Variants in CABIN1 observed in about 807,000 individuals in gnomAD.
The protein encoded by CABIN1 is calcineurin binding protein 1.
A neutral mutation model predicts 227.7 loss-of-function variants in CABIN1; 133 were observed. That is an observed-to-expected ratio of 0.58 (90% CI 0.51 to 0.67). The LOEUF is 0.67. Among genes scored for constraint, CABIN1 ranks in the 30% least tolerant of loss-of-function variants. CABIN1 has a pLI of 0.00. For missense variants in CABIN1, 2,408 were observed against 2,852.5 expected, an observed-to-expected ratio of 0.84 and a Z score of 3.55; for synonymous variants, 1,086 against 1,155.1, an observed-to-expected ratio of 0.94 and a Z score of 1.21.
intron 26 of CABIN1, among the ~76,000 whole-genome samples, chr22:24,111,838 T>G (rs2042825173): frequency 6.6e-6 from 1 of 152,264 alleles, no homozygotes; most frequent in Non-Finnish European, 1.5e-5. Context: ...CAAGTTTTGA[T>G]TTCCTTTTGC....
At chr22:24,152,093 G>A (rs1277990787) in intron 29 of CABIN1, among the ~76,000 whole-genome samples, 2 of 152,218 alleles carry the variant, frequency 1.3e-5, no homozygotes, top group African/African-American at 2.4e-5. Flanking sequence ...CGCATGTGCC[G>A]TCCCCGTGGA....
intron 29 of CABIN1, among the ~76,000 whole-genome samples, chr22:24,162,518 C>G (rs2046217190): frequency 6.6e-6 from 1 of 152,244 alleles, no homozygotes; most frequent in Non-Finnish European, 1.5e-5. Flanking sequence ...CAAGGGCACA[C>G]TAGCTGGCCT....
In CABIN1 at chr22:24,070,999, C is replaced by G; in HGVS notation, c.2432C>G (p.Ser811Cys). The change falls in exon 17 of 37, where the codon TCC becomes TGC. Residue 811 changes from serine to cysteine, a missense_variant. Around this residue, in one of 3 missense-constraint regions of CABIN1, gnomAD observed 1,045 missense variants for 1,168.4 expected, o/e 0.89. Coordinates refer to ENST00000263119, the MANE Select transcript of CABIN1 (RefSeq NM_012295.4). ...AGTGGTAGCATCCTGAAGGTATCAT[C>G]CTCCACCACTGGCCTTGTGCGGCTC... ...DSSGSILKVS[S>C]STTGLVRLTN... 6.2e-7 allele frequency: 1 copy of G among 1,614,234 alleles called. No homozygotes were observed. The highest frequency in any genetic ancestry group is 8.5e-7 in the Non-Finnish European group (1 of 1,180,040).
intron 34 of CABIN1, among the ~76,000 whole-genome samples, chr22:24,173,790 C>A (rs112780321): frequency 6.6e-6 from 1 of 152,078 alleles, no homozygotes; most frequent in South Asian, 2.1e-4. Flanking sequence ...GCTGACATCA[C>A]GCCACTGCAC....
At chr22:24,062,267 G>C (rs949878671) in intron 13 of CABIN1, among the ~76,000 whole-genome samples, 1 of 151,808 alleles carries the variant, frequency 6.6e-6, no homozygotes, top group Admixed American at 6.6e-5. Context: ...TGAAGGAAGT[G>C]GGATCTCAGT....
At position 24,117,000 on chromosome 22, in the gene CABIN1, G is replaced by A. The variant is rs2043124861; in HGVS notation, c.4301-2367G>A. ...AGTTTTCTCATCTTCACGCAGCTAG[G>A]GTTAGAATTGGACATCCTGGCCGGG... On this transcript the variant is annotated intron_variant, in intron 27 of 36. Transcript: ENST00000263119. Among the ~76,000 whole-genome samples, 3 of 152,320 alleles carry A rather than the reference G, an allele frequency of 2.0e-5. No individual in the cohort carries two copies. In the South Asian group the frequency reaches 6.2e-4, roughly 32 times the overall value.
rs1252888479 is a variant in CABIN1 at position 24,042,966 on chromosome 22, G to T, written c.408G>T (p.Arg136Ser). ...ATAAGATTGGACATGTGGCCCTGAG[G>T]CTCATCCGGATCCCCCTGGCTCGCC... Reference protein sequence around the residue: ...LWYKIGHVALRLIRIPLARHA... With the variant: ...LWYKIGHVALSLIRIPLARHA... Residue 136 changes from arginine (R) to serine (S), a missense_variant, in exon 6 of 37, where the codon AGG becomes AGT. Physicochemically the swap from Arg to Ser is moderately radical, Grantham distance 110. Transcript: ENST00000263119. 1 of 1,613,044 alleles carries T rather than the reference G, an allele frequency of 6.2e-7. No individual in the cohort carries two copies. The highest frequency in any genetic ancestry group is 2.2e-5 in the East Asian group (1 of 44,818).
chr22:24,066,017 T>C (rs999586529), intron 15 of CABIN1, among the ~76,000 whole-genome samples: 2 of 151,882 alleles, frequency 1.3e-5, no homozygotes, highest in Non-Finnish European at 2.9e-5. Context: ...AGAGAGACCA[T>C]GGAAAGAGAT....
chr22:24,046,977 T>A (rs1414994655), intron 6 of CABIN1, among the ~76,000 whole-genome samples: 1 of 152,186 alleles, frequency 6.6e-6, no homozygotes, highest in Non-Finnish European at 1.5e-5. Context: ...GCCTTTTTGT[T>A]CTGTTCAGGC....
rs569137032 is a variant in CABIN1, at chr22:24,133,341, G to A, written c.4633-961G>A. ...TTGCCTCATGATGATTAGGGGAATG[G>A]TTCAGTATGCTCAGCCTGGCCAGCA... On this transcript the variant is annotated intron_variant, in intron 28 of 36. Transcript: ENST00000263119. Among the ~76,000 whole-genome samples the A allele has an allele frequency of 1.6e-4, 24 of 152,236 alleles. 1 individual carries two copies. The highest frequency in any genetic ancestry group is 2.2e-4 in the Non-Finnish European group (15 of 68,044).
At chr22:24,087,200 C>G (rs142626804) in intron 22 of CABIN1, among the ~76,000 whole-genome samples, 3 of 152,342 alleles carry the variant, frequency 2.0e-5, no homozygotes, top group African/African-American at 7.2e-5. Context: ...TACATTTTGT[C>G]TCATAATGCC....
chr22:24,022,750 A>T (rs1186792570), intron 1 of CABIN1, among the ~76,000 whole-genome samples: 2 of 150,128 alleles, frequency 1.3e-5, no homozygotes, highest in Admixed American at 6.6e-5. Context: ...ATCAGTTTTT[A>T]AAAAAATACA....
In CABIN1 at chr22:24,168,429, C is replaced by T. The variant is rs948927198; in HGVS notation, c.5683-18C>T. On this transcript the variant is annotated intron_variant, in intron 32 of 36. Coordinates refer to ENST00000263119, the MANE Select transcript of CABIN1 (RefSeq NM_012295.4). Reference sequence around the variant, plus strand: ...ACAATGGCCTGCGCCCCCTGACTTCCAGCATCTCCCTGTTAAGGTGGATGA... The same window carrying T: ...ACAATGGCCTGCGCCCCCTGACTTCTAGCATCTCCCTGTTAAGGTGGATGA... 1.3e-6 allele frequency: 2 copies of T among 1,564,054 alleles called. No individual in the cohort carries two copies. The highest frequency in any genetic ancestry group is 1.4e-5 in the African/African-American group (1 of 73,628).
intron 1 of CABIN1, among the ~76,000 whole-genome samples, chr22:24,031,686 G>T (rs1300867839): frequency 6.6e-6 from 1 of 152,144 alleles, no homozygotes; most frequent in Admixed American, 6.5e-5. Flanking sequence ...GAGCCCAGTG[G>T]GTGAGCAGCA....
At position 24,059,901 on chromosome 22, in the gene CABIN1, GGTT is replaced by G. The variant is rs1274670252; in HGVS notation, c.1400-19_1400-17del. The stretch of plus-strand genomic sequence containing the variant: ...TGGAAGGTACTCTTTATTCAAGTCA[GGTT>G]GTTCTTGCTCCCCGGGCAGAAAAGC... On this transcript the variant is annotated intron_variant, in intron 11 of 36. Coordinates refer to ENST00000263119, the MANE Select transcript of CABIN1 (RefSeq NM_012295.4). 5.6e-6 allele frequency: 9 copies of G among 1,608,032 alleles called. No homozygotes were observed. The highest frequency in any genetic ancestry group is 1.6e-4 in the Middle Eastern group (1 of 6,072).
chr22:24,176,065 C>T lies in CABIN1; in HGVS notation c.6041-46C>T, dbSNP rs370034116. On this transcript the variant is annotated intron_variant, in intron 34 of 36. Coordinates refer to ENST00000263119, the MANE Select transcript of CABIN1 (RefSeq NM_012295.4). ...CCTGACACAGATGCGTTGGAGCCTG[C>T]GGGGTGGATGAGTCTATTACCTGCA... is the stretch of plus-strand genomic sequence containing the variant. The T allele has an allele frequency of 1.6e-5, 26 of 1,583,754 alleles. 1 individual carries two copies. The highest frequency in any genetic ancestry group is 1.6e-4 in the East Asian group (7 of 43,606).
At chr22:24,138,094 C>G (rs2148276866) in intron 29 of CABIN1, among the ~76,000 whole-genome samples, 1 of 152,310 alleles carries the variant, frequency 6.6e-6, no homozygotes, top group South Asian at 2.1e-4. Flanking sequence ...GTTGCTCAGC[C>G]TGTCATCCTT....
intron 10 of CABIN1, 95 bp downstream of exon 10, chr22:24,056,455 C>T: frequency 1.7e-6 from 2 of 1,204,082 alleles, no homozygotes; most frequent in Non-Finnish European, 2.5e-6. Flanking sequence ...ACCCTCTTCT[C>T]TGGTCTCCTC....
chr22:24,064,958 T>C (rs2039502625), intron 15 of CABIN1, among the ~76,000 whole-genome samples: 2 of 152,208 alleles, frequency 1.3e-5, no homozygotes, highest in South Asian at 4.1e-4. Flanking sequence ...CTCAATCTTT[T>C]CCCCACCTTT....
Sources: allele counts gnomAD v4.1 joint callset (sites outside exome capture counted in the v4.1 genomes callset), GRCh38; gene constraint gnomAD v4.1.1; regional missense constraint gnomAD v4.1.1; transcripts MANE v1.5; gene names NCBI Gene and HGNC (gene_info 2026-07-23, HGNC 2026-07-21).